Variants in CYFIP1 observed in about 807,000 individuals in gnomAD.
The protein encoded by CYFIP1 is cytoplasmic FMR1-interacting protein 1.
CYFIP1 carries 58 observed loss-of-function variants against 163.5 expected under a neutral mutation model. The ratio of observed to expected loss-of-function variants is 0.35; its 90% CI spans 0.29 to 0.44. CYFIP1 has a LOEUF of 0.44. Ranked by LOEUF, CYFIP1 falls within the 20% of genes least tolerant of loss-of-function variation. The probability of loss-of-function intolerance (pLI) is 1.00; values close to 1 mark genes in which losing one functional copy is unlikely to be tolerated. For missense variants in CYFIP1, 1,338 were observed against 1,653.8 expected (o/e 0.81, Z 3.31); for synonymous variants, 663 against 660.7 (o/e 1.00, Z -0.05).
intron 9 of CYFIP1, among the ~76,000 whole-genome samples, chr15:22,935,922 T>G (rs1172046269): frequency 6.6e-6 from 1 of 152,180 alleles, no homozygotes; most frequent in Non-Finnish European, 1.5e-5. Context: ...CAATTACACC[T>G]TGATAAAGCT....
At position 22,923,942 on chromosome 15, in the gene CYFIP1, CAAAAAAA is replaced by C. The variant is rs916058496; in HGVS notation, c.1359+2033_1359+2039del. Among the ~76,000 whole-genome samples, 201 of 61,800 alleles carry C rather than the reference CAAAAAAA, an allele frequency of 3.3e-3. 2 individuals carry two copies. In the East Asian group the frequency reaches 0.055, roughly 17 times the overall value. The allele number at this position is 61,800 out of a possible 152,430, so 40.5% of individuals were successfully genotyped here. A position where few individuals can be genotyped will look rare whatever the true frequency, so the allele number is the denominator to read the frequency against. On this transcript the variant is annotated intron_variant, in intron 13 of 30. Coordinates refer to ENST00000617928, the MANE Select transcript of CYFIP1 (RefSeq NM_014608.6). ...GGGTGACAGAGTGAGACCTTGTCTC[CAAAAAAA>C]AAAAAAAAAAAAAAAACAAGAAAAA... is the stretch of plus-strand genomic sequence containing the variant.
chr15:22,875,883 A>ACAT, intron 26 of CYFIP1, among the ~76,000 whole-genome samples: 1 of 41,014 alleles, frequency 2.4e-5, no homozygotes, highest in Admixed American at 3.3e-4. Flanking sequence ...TCTCCAGAAT[A>ACAT]ACATATATAT....
rs567225582 is a variant in CYFIP1, at chr15:22,961,597, C to G, written c.-6-14306G>C. ...GTCTTGCCTTGTTGCACAGGCTGGT[C>G]TTGAACTCCTAAGCTCAAGAGATCC... On this transcript the variant is annotated intron_variant, in intron 1 of 30. Coordinates refer to ENST00000617928, the MANE Select transcript of CYFIP1 (RefSeq NM_014608.6). 2.4e-3 allele frequency among the ~76,000 whole-genome samples: 361 copies of G among 152,194 alleles called. 7 individuals carry two copies. The highest frequency in any genetic ancestry group is 8.2e-3 in the African/African-American group (342 of 41,516).
At chr15:22,870,238 T>G (rs1555393981) in intron 30 of CYFIP1, 46 bp from the exon 31 acceptor site, 1 of 1,533,138 alleles carries the variant, frequency 6.5e-7, no homozygotes, top group Non-Finnish European at 8.8e-7. Context: ...CACTTCAACA[T>G]TTATTCTTCA....
At position 22,871,284 on chromosome 15, in the gene CYFIP1, A is replaced by G. The variant is rs2059426543; in HGVS notation, c.3598-1092T>C. ...ACTAGAAGGAAAACACACAGAATATAGAATACATGAATTGGATAAAGAAAT... is the reference window on the plus strand; with the variant it reads ...ACTAGAAGGAAAACACACAGAATATGGAATACATGAATTGGATAAAGAAAT... On this transcript the variant is annotated intron_variant, in intron 30 of 30. Coordinates refer to ENST00000617928, the MANE Select transcript of CYFIP1 (RefSeq NM_014608.6). Among the ~76,000 whole-genome samples the G allele has an allele frequency of 1.3e-5, 2 of 152,228 alleles. 1 individual carries two copies. Among genetic ancestry groups the G allele is most frequent in the Admixed American group, 1.3e-4 (2 of 15,292 alleles).
chr15:22,930,737 T>C (rs1023137936), intron 11 of CYFIP1, among the ~76,000 whole-genome samples: 1 of 152,198 alleles, frequency 6.6e-6, no homozygotes, highest in Non-Finnish European at 1.5e-5. Context: ...ATAGAGTGTG[T>C]TTGTGTTTTA....
intron 23 of CYFIP1, among the ~76,000 whole-genome samples, chr15:22,885,574 T>C (rs1346746569): frequency 6.6e-6 from 1 of 151,948 alleles, no homozygotes; most frequent in Non-Finnish European, 1.5e-5. Context: ...CTACTAAAAA[T>C]ACAAAAAAAT....
At chr15:22,923,901 C>CCACTG (rs1274653833) in intron 13 of CYFIP1, among the ~76,000 whole-genome samples, 1 of 138,934 alleles carries the variant, frequency 7.2e-6, no homozygotes, top group Non-Finnish European at 1.5e-5. Flanking sequence ...CATAATCCTG[C>CCACTG]CACTGCACTC....
At chr15:22,928,090 G>A in intron 11 of CYFIP1, 62 bp from the exon 12 acceptor site, 16 of 1,427,428 alleles carry the variant, frequency 1.1e-5, no homozygotes, top group Middle Eastern at 2.5e-4. Context: ...CCCCCATCCC[G>A]GGATCCACCA....
chr15:22,958,661 C>A (rs563398652), intron 1 of CYFIP1, among the ~76,000 whole-genome samples: 102 of 152,240 alleles, frequency 6.7e-4, no homozygotes, highest in African/African-American at 2.3e-3. Flanking sequence ...CTCCTAACAT[C>A]GCCCTCCCCC....
At chr15:22,921,558 G>A (rs867481835) in intron 13 of CYFIP1, among the ~76,000 whole-genome samples, 4 of 151,800 alleles carry the variant, frequency 2.6e-5, no homozygotes, top group Non-Finnish European at 4.4e-5. Flanking sequence ...GCTCACGCCT[G>A]TAATCCCAGC....
Position 22,927,962 on chromosome 15 carries a change from G to A in CYFIP1, c.1177C>T (p.Leu393=). The change falls in exon 12 of 31, where the codon CTG becomes TTG. Residue 393 remains leucine, a synonymous_variant. Transcript: ENST00000617928. ...TDAEYRKLFD[L]ALQGLQLLSQ... Reference sequence around the variant, plus strand: ...AACAGCTGCAGGCCCTGCAGCGCCAGGTCGAAGAGCTTGCGGTACTCCGCG... The same window carrying A: ...AACAGCTGCAGGCCCTGCAGCGCCAAGTCGAAGAGCTTGCGGTACTCCGCG... 1 of 1,605,680 alleles carries A rather than the reference G, an allele frequency of 6.2e-7. No homozygotes were observed. The highest frequency in any genetic ancestry group is 8.5e-7 in the Non-Finnish European group (1 of 1,177,676).
intron 12 of CYFIP1, 86 bp from the exon 13 acceptor site, chr15:22,926,193 C>T: frequency 1.3e-6 from 2 of 1,576,110 alleles, no homozygotes; most frequent in Non-Finnish European, 8.7e-7. Flanking sequence ...GTGGCCAAAG[C>T]CAGGCCAGCC....
intron 13 of CYFIP1, among the ~76,000 whole-genome samples, chr15:22,924,132 T>C (rs1045874292): frequency 3.3e-5 from 5 of 152,070 alleles, no homozygotes; most frequent in Admixed American, 3.3e-4. Context: ...TCTTGAAAAT[T>C]ATGCTAAGTG....
intron 1 of CYFIP1, among the ~76,000 whole-genome samples, chr15:22,958,761 T>G (rs1472159074): frequency 6.6e-6 from 1 of 152,176 alleles, no homozygotes; most frequent in Non-Finnish European, 1.5e-5. Context: ...TTTCACTGGC[T>G]CTCTCTGCCT....
At chr15:22,923,784 A>C (rs1050573282) in intron 13 of CYFIP1, among the ~76,000 whole-genome samples, 2 of 151,830 alleles carry the variant, frequency 1.3e-5, no homozygotes, top group South Asian at 2.1e-4. Context: ...CTCTACAAAA[A>C]ATTTAAAAAT....
At chr15:22,916,753 C>A (rs774114991) in intron 15 of CYFIP1, 123 bp from the exon 16 acceptor site, 16 of 1,609,866 alleles carry the variant, frequency 9.9e-6, no homozygotes, top group Non-Finnish European at 1.2e-5. Flanking sequence ...GGGCCCCGCA[C>A]CAGCTCCCCG....
Position 22,914,811 on chromosome 15 carries a change from T to G in CYFIP1, c.1900A>C (p.Arg634=). ...REFFLELTMG[R]RIQFPIEMSM... ...ATCTCAATGGGGAACTGGATCCTCC[T>G]GCCCATGGTCAGCTCCAGGAAGAAC... Residue 634 remains arginine, a synonymous_variant, in exon 17 of 31, where the codon AGG becomes CGG. Transcript: ENST00000617928. 6.2e-7 allele frequency: 1 copy of G among 1,613,944 alleles called. No individual in the cohort carries two copies. The highest frequency in any genetic ancestry group is 2.2e-5 in the East Asian group (1 of 44,870).
At chr15:22,954,010 C>G (rs367607400) in intron 1 of CYFIP1, among the ~76,000 whole-genome samples, 9 of 152,234 alleles carry the variant, frequency 5.9e-5, no homozygotes, top group African/African-American at 2.2e-4. Flanking sequence ...GAGCCAAGAT[C>G]GCGCCACTGC....
Sources: allele counts gnomAD v4.1 joint callset (sites outside exome capture counted in the v4.1 genomes callset), GRCh38; gene constraint gnomAD v4.1.1; transcripts MANE v1.5; gene names NCBI Gene and HGNC (gene_info 2026-07-23, HGNC 2026-07-21).